The following MYCBP variants were observed in gnomAD, a reference collection of about 807,000 sequenced individuals.
MYCBP encodes MYC binding protein, also known as C-Myc-binding protein.
Under a neutral mutation model 16.8 loss-of-function variants are expected in MYCBP, and 5 were observed. The ratio of observed to expected loss-of-function variants is 0.30; its 90% CI spans 0.16 to 0.63. The LOEUF is 0.63. MYCBP is among the 20% of genes least tolerant of loss of function. The pLI is 0.83. For synonymous variants in MYCBP, 35 were observed against 43.7 expected (o/e 0.80, Z 0.79); for missense variants, 103 against 121.8 (o/e 0.85, Z 0.73).
chr1:38,863,818 T>G lies in MYCBP; in HGVS notation c.*852A>C, dbSNP rs1270460996. 6.6e-6 allele frequency: 1 copy of G among 152,650 alleles called. No individual in the cohort carries two copies. The highest frequency in any genetic ancestry group is 1.5e-5 in the Non-Finnish European group (1 of 68,042). The allele number at this position is 152,650 out of a possible 1,614,324, so 9.5% of individuals were successfully genotyped here. ...GAGAAAAGCACTATATAATTATACC[T>G]ACAAACTATGATTTTCCCCAATATA... On this transcript the variant is annotated 3_prime_UTR_variant, in exon 5 of 5. Transcript: ENST00000397572.
Position 38,871,955 on chromosome 1 carries a change from A to C in MYCBP, c.88+1063T>G, listed in dbSNP as rs145015177. 9.4e-3 allele frequency among the ~76,000 whole-genome samples: 1,425 copies of C among 152,320 alleles called. 25 individuals carry two copies. Among genetic ancestry groups the C allele is most frequent in the African/African-American group, 0.03 (1,251 of 41,554 alleles). ...CGGAATGACATTCAAAGCATCTGTG[A>C]CACTTTCAGAGACAACATAGCACAG... On this transcript the variant is annotated intron_variant, in intron 2 of 4. Coordinates refer to ENST00000397572, the MANE Select transcript of MYCBP (RefSeq NM_012333.5).
chr1:38,872,867 G>T, intron 2 of MYCBP, 151 bp downstream of exon 2: 1 of 848,034 alleles, frequency 1.2e-6, no homozygotes, highest in Non-Finnish European at 1.8e-6. Flanking sequence ...CAGCAGCCAG[G>T]TCCCTGCTGA....
At chr1:38,872,771 T>G (rs1276207222) in intron 2 of MYCBP, among the ~76,000 whole-genome samples, 2 of 152,244 alleles carry the variant, frequency 1.3e-5, no homozygotes, top group African/African-American at 4.8e-5. Flanking sequence ...CAACGGAAGT[T>G]GAAGAGACTT....
chr1:38,866,708 C>A (rs1642347872), intron 4 of MYCBP, among the ~76,000 whole-genome samples, 172 bp downstream of exon 4: 1 of 152,218 alleles, frequency 6.6e-6, no homozygotes. Context: ...AGCCACCGTG[C>A]CAGGCCCGTC....
intron 3 of MYCBP, 31 bp downstream of exon 3, chr1:38,867,531 A>G (rs1353593977): frequency 6.3e-7 from 1 of 1,584,372 alleles, no homozygotes; most frequent in Non-Finnish European, 8.6e-7. Context: ...AGAGTTTCAA[A>G]ATAAAGCCTT....
rs1642501094 is a variant in MYCBP, at chr1:38,873,043, C to T, written c.63G>A (p.Ser21=). 1.3e-6 allele frequency: 2 copies of T among 1,577,030 alleles called. No homozygotes were observed. The highest frequency in any genetic ancestry group is 1.7e-6 in the Non-Finnish European group (2 of 1,161,602). The part of the protein sequence containing the change: ...REQFRRYLEK[S]GVLDTLTKVL... ...CCTTGGTCAGCGTGTCCAGCACCCC[C>T]GACTTCTCCAAGTACCTCCGGAACT... The change falls in exon 2 of 5, where the codon TCG becomes TCA. Residue 21 remains serine (S), a synonymous_variant. Coordinates refer to ENST00000397572, the MANE Select transcript of MYCBP (RefSeq NM_012333.5).
At chr1:38,871,598 G>A (rs563473438) in intron 2 of MYCBP, among the ~76,000 whole-genome samples, 4 of 145,534 alleles carry the variant, frequency 2.7e-5, no homozygotes, top group East Asian at 4.0e-4. Context: ...TTTTTTAAGA[G>A]ATGGGAGTTT....
intron 2 of MYCBP, among the ~76,000 whole-genome samples, chr1:38,871,566 C>A (rs978517520): frequency 3.3e-5 from 5 of 150,642 alleles, no homozygotes; most frequent in African/African-American, 9.9e-5. Context: ...CAGGCACACA[C>A]CATGCCCAGC....
chr1:38,865,213 C>A (rs1463079598), intron 4 of MYCBP, among the ~76,000 whole-genome samples: 1 of 152,188 alleles, frequency 6.6e-6, no homozygotes, highest in Non-Finnish European at 1.5e-5. Flanking sequence ...ACTGCATTTT[C>A]TTTTATGCTA....
At chr1:38,866,413 CTTTT>C (rs763154379) in intron 4 of MYCBP, among the ~76,000 whole-genome samples, 1 of 137,070 alleles carries the variant, frequency 7.3e-6, no homozygotes. Flanking sequence ...TTGCGGTTTT[CTTTT>C]TTTTTTTTTA....
intron 2 of MYCBP, among the ~76,000 whole-genome samples, chr1:38,871,027 G>T (rs1255627820): frequency 6.6e-6 from 1 of 152,000 alleles, no homozygotes; most frequent in African/African-American, 2.4e-5. Context: ...ATCACCTGAG[G>T]TAAGGAGTTC....
rs1404882180 is a variant in MYCBP at position 38,873,125 on chromosome 1, G to A, written c.16-35C>T. On this transcript the variant is annotated intron_variant, in intron 1 of 4. Coordinates refer to ENST00000397572, the MANE Select transcript of MYCBP (RefSeq NM_012333.5). ...CACCGGGGGTCAGTGGCCAGAGCCC[G>A]GGAGCCGAGCAGGAAGAAGGCGCTG... 4 of 1,554,008 alleles carry A rather than the reference G, an allele frequency of 2.6e-6. No homozygotes were observed. The Admixed American group carries it at 5.8e-5, about 23-fold the overall frequency.
At position 38,873,076 on chromosome 1, in the gene MYCBP, C is replaced by T. The variant is rs1273211152; in HGVS notation, c.30G>A (p.Lys10=). Residue 10 remains lysine (K), a synonymous_variant, in exon 2 of 5, where the codon AAG becomes AAA. Coordinates refer to ENST00000397572, the MANE Select transcript of MYCBP (RefSeq NM_012333.5). MAHYKAADS[K]REQFRRYLEK... is the part of the protein sequence containing the mutation. ...CCAAGTACCTCCGGAACTGCTCACG[C>T]TTCGAGTCGGCGGCCTGAAGAGACA... 6.4e-7 allele frequency: 1 copy of T among 1,564,238 alleles called. No homozygotes were observed. The highest frequency in any genetic ancestry group is 8.7e-7 in the Non-Finnish European group (1 of 1,154,352).
intron 4 of MYCBP, among the ~76,000 whole-genome samples, chr1:38,865,711 G>T (rs1642320387): frequency 6.6e-6 from 1 of 152,084 alleles, no homozygotes; most frequent in Non-Finnish European, 1.5e-5. Context: ...CAGAGGTGGG[G>T]GGATTACTTG....
intron 4 of MYCBP, 49 bp from the exon 5 acceptor site, chr1:38,864,763 G>C (rs1200223478): frequency 1.3e-6 from 2 of 1,525,548 alleles, no homozygotes; most frequent in Admixed American, 3.4e-5. Flanking sequence ...TCTAAATTGA[G>C]TAAAAAATAG....
At position 38,863,203 on chromosome 1, in the gene MYCBP, G is replaced by C. The variant is rs1356153511; in HGVS notation, c.*1467C>G. On this transcript the variant is annotated 3_prime_UTR_variant, in exon 5 of 5. Coordinates refer to ENST00000397572, the MANE Select transcript of MYCBP (RefSeq NM_012333.5). ...AAACTTGTGACTAGAAGAGGCACCA[G>C]CCATAGCCACATTCCTACTAACAGG... is the stretch of plus-strand genomic sequence containing the variant. The C allele has an allele frequency of 1.3e-5, 2 of 152,210 alleles. No homozygotes were observed. The highest frequency in any genetic ancestry group is 1.3e-4 in the Admixed American group (2 of 15,278). The allele number at this position is 152,210 out of a possible 1,614,324, so 9.4% of individuals were successfully genotyped here. A position where few individuals can be genotyped will look rare whatever the true frequency, so the allele number is the denominator to read the frequency against.
intron 2 of MYCBP, among the ~76,000 whole-genome samples, chr1:38,870,208 A>G (rs560014754): frequency 6.6e-6 from 1 of 151,014 alleles, no homozygotes; most frequent in East Asian, 2.0e-4. Flanking sequence ...TCAGCCGGAC[A>G]TGGTGGTGCG....
At chr1:38,872,992 G>T (rs1200375581) in intron 2 of MYCBP, 26 bp downstream of exon 2, 3 of 1,558,836 alleles carry the variant, frequency 1.9e-6, no homozygotes, top group South Asian at 2.4e-5. Flanking sequence ...GAGGGCACGA[G>T]GTACCCTCTC....
At position 38,864,496 on chromosome 1, in the gene MYCBP, GA is replaced by G. The variant is rs1642296912; in HGVS notation, c.*173del. The G allele has an allele frequency of 2.1e-5, 15 of 698,930 alleles. No individual in the cohort carries two copies. In the South Asian group the frequency reaches 2.9e-4, roughly 13 times the overall value. The allele number at this position is 698,930 out of a possible 1,614,324, so 43.3% of individuals were successfully genotyped here. On this transcript the variant is annotated 3_prime_UTR_variant, in exon 5 of 5. Transcript: ENST00000397572. ...GGATTCTCCTGCTTTAAGACCCAAAGAAAGTTATATTGAGTTTTTATTGATG... is the reference window on the plus strand; with the variant it reads ...GGATTCTCCTGCTTTAAGACCCAAAGAAGTTATATTGAGTTTTTATTGATG...
Sources: gnomAD v4.1 joint callset for allele counts (sites outside exome capture counted in the v4.1 genomes callset) on GRCh38, gnomAD v4.1.1 for gene constraint, MANE v1.5 for transcripts, NCBI Gene and HGNC (gene_info 2026-07-23, HGNC 2026-07-21) for gene names.